TNFSF12: variants seen among roughly 807,000 people sequenced by gnomAD.
TNFSF12 encodes tumor necrosis factor ligand superfamily member 12.
Under a neutral mutation model 31.2 loss-of-function variants are expected in TNFSF12, and 16 were observed. The observed-to-expected ratio is 0.51, with a 90% CI of 0.35 to 0.78. The LOEUF is 0.78. TNFSF12 is among the 30% of genes least tolerant of loss of function. TNFSF12 has a pLI of 0.01. For missense variants in TNFSF12, 324 were observed against 338.8 expected (o/e 0.96, Z 0.34); for synonymous variants, 150 against 151.4 (o/e 0.99, Z 0.07).
chr17:7,557,100 T>C lies in TNFSF12; in HGVS notation c.500T>C (p.Val167Ala). The C allele has an allele frequency of 1.9e-6, 3 of 1,609,700 alleles. No homozygotes were observed. The highest frequency in any genetic ancestry group is 1.1e-5 in the South Asian group (1 of 90,826). ...RAGLYYLYCQ[V>A]HFDEGKAVYL... ...CTCGGCCTGTTGTCCCCACCCCAGG[T>C]GCACTTTGATGAGGGGAAGGCTGTC... The change falls in exon 7 of 7, where the codon GTG becomes GCG. Residue 167 changes from valine to alanine, a missense_variant and splice_region_variant. Val to Ala is a moderately conservative substitution (Grantham distance 64, BLOSUM62 0). Coordinates refer to ENST00000293825, the MANE Select transcript of TNFSF12 (RefSeq NM_003809.3). The surrounding 1 kb of genome is among the most constrained non-coding windows in gnomAD (Gnocchi z 5.2).
chr17:7,557,622 T>G lies in TNFSF12; in HGVS notation c.*272T>G. The G allele has an allele frequency of 8.9e-6, 4 of 448,278 alleles. No homozygotes were observed. Among genetic ancestry groups the G allele is most frequent in the East Asian group, 4.0e-5 (1 of 24,776 alleles). 27.8% of individuals were successfully genotyped at this position (448,278 alleles called of 1,614,324 possible). On this transcript the variant is annotated 3_prime_UTR_variant, in exon 7 of 7. Transcript: ENST00000293825. The surrounding 1 kb of genome is among the most constrained non-coding windows in gnomAD (Gnocchi z 5.2). ...GCCCCCAGTGATCTCGACTCCCCCC[T>G]GGCCACAGACCCCCAGGGCATTGTG...
rs557896974 is a variant in TNFSF12, at chr17:7,550,019, T to A, written c.208-101T>A. ...CTGAGGGGCTTAATCTGTCCCTGACTTCTGTGTCTATTGCTGGCTGGTGGC... is the reference window on the plus strand; with the variant it reads ...CTGAGGGGCTTAATCTGTCCCTGACATCTGTGTCTATTGCTGGCTGGTGGC... On this transcript the variant is annotated intron_variant, in intron 2 of 6. Coordinates refer to ENST00000293825, the MANE Select transcript of TNFSF12 (RefSeq NM_003809.3). The surrounding 1 kb of genome is among the most constrained non-coding windows in gnomAD (Gnocchi z 4.4). 7.7e-4 allele frequency: 1,222 copies of A among 1,586,162 alleles called. 1 individual carries two copies. The highest frequency in any genetic ancestry group is 9.9e-4 in the Non-Finnish European group (1,144 of 1,157,720).
At position 7,549,471 on chromosome 17, in the gene TNFSF12, C is replaced by A; in HGVS notation, c.160-3C>A. 1 of 1,526,428 alleles carries A rather than the reference C, an allele frequency of 6.6e-7. No individual in the cohort carries two copies. The highest frequency in any genetic ancestry group is 8.9e-7 in the Non-Finnish European group (1 of 1,128,642). The allele number at this position is 1,526,428 out of a possible 1,614,324, so 94.6% of individuals were successfully genotyped here. ...CAGGGTGACGCTCCCTCCTTCCCAGCAGGAGCCTGCCCAGGAGGAGCTGGT... is the reference window on the plus strand; with the variant it reads ...CAGGGTGACGCTCCCTCCTTCCCAGAAGGAGCCTGCCCAGGAGGAGCTGGT... On this transcript the variant is annotated splice_region_variant and splice_polypyrimidine_tract_variant and intron_variant, in intron 1 of 6. Transcript: ENST00000293825. The surrounding 1 kb of genome is among the most constrained non-coding windows in gnomAD (Gnocchi z 4.1).
At chr17:7,556,953 T>A (rs1326903046) in intron 6 of TNFSF12, 51 bp downstream of exon 6, 1 of 1,528,582 alleles carries the variant, frequency 6.5e-7, no homozygotes, top group East Asian at 2.3e-5. Context: ...TGGCGAAGGG[T>A]TTGCCAGGAG....
intron 5 of TNFSF12, among the ~76,000 whole-genome samples, chr17:7,554,399 C>T (rs1317195535): frequency 6.0e-5 from 9 of 150,514 alleles, no homozygotes; most frequent in Non-Finnish European, 1.0e-4. Flanking sequence ...CTGCAAGCTC[C>T]GCCTCCTGGG....
At position 7,550,066 on chromosome 17, in the gene TNFSF12, T is replaced by C. The variant is rs1343339903; in HGVS notation, c.208-54T>C. ...TGGCTCTCCTGACAGGCCCCGTATG[T>C]CTCACTTTATATCTCTGGGAGTCTG... On this transcript the variant is annotated intron_variant, in intron 2 of 6. Transcript: ENST00000293825. The surrounding 1 kb of genome is among the most constrained non-coding windows in gnomAD (Gnocchi z 4.4). The C allele has an allele frequency of 1.2e-6, 2 of 1,613,494 alleles. No individual in the cohort carries two copies. Among genetic ancestry groups the C allele is most frequent in the East Asian group, 2.2e-5 (1 of 44,884 alleles).
chr17:7,557,531 T>G lies in TNFSF12; in HGVS notation c.*181T>G. ...CCACATAAATACAGTATTCCCACTC[T>G]TATCTTACAACTCCCCCACCGCCCA... is the stretch of plus-strand genomic sequence containing the variant. On this transcript the variant is annotated 3_prime_UTR_variant, in exon 7 of 7. Transcript: ENST00000293825. The surrounding 1 kb of genome is among the most constrained non-coding windows in gnomAD (Gnocchi z 5.2). 1.2e-6 allele frequency: 1 copy of G among 852,192 alleles called. No homozygotes were observed. The highest frequency in any genetic ancestry group is 1.7e-6 in the Non-Finnish European group (1 of 580,854). 52.8% of individuals were successfully genotyped at this position (852,192 alleles called of 1,614,324 possible).
rs1212250309 is a variant in TNFSF12 at position 7,550,992 on chromosome 17, C to T, written c.373+14C>T. The T allele has an allele frequency of 3.1e-6, 5 of 1,613,380 alleles. No homozygotes were observed. Among genetic ancestry groups the T allele is most frequent in the East Asian group, 4.5e-5 (2 of 44,880 alleles). On this transcript the variant is annotated intron_variant, in intron 5 of 6. Transcript: ENST00000293825. This position sits in a 1 kb window ranked among gnomAD's most constrained non-coding sequence, Gnocchi z 4.4. ...GAGCGCAGGCAGGTGAGACCCCATC[C>T]CCCGACACAGCACTGGCCTCCTGGG...
At chr17:7,554,463 G>A (rs1286399996) in intron 5 of TNFSF12, among the ~76,000 whole-genome samples, 1 of 151,264 alleles carries the variant, frequency 6.6e-6, no homozygotes, top group African/African-American at 2.4e-5. Flanking sequence ...ACAGGCGCCC[G>A]CCACCACGCC....
At position 7,555,973 on chromosome 17, in the gene TNFSF12, G is replaced by GTTTTTTTTTTTT. The variant is rs59248137; in HGVS notation, c.374-797_374-796insTTTTTTTTTTTT. 2.1e-3 allele frequency among the ~76,000 whole-genome samples: 147 copies of GTTTTTTTTTTTT among 70,866 alleles called. 19 individuals carry two copies. Among genetic ancestry groups the GTTTTTTTTTTTT allele is most frequent in the Middle Eastern group, 0.01 (1 of 96 alleles). The allele number at this position is 70,866 out of a possible 152,430, so 46.5% of individuals were successfully genotyped here. ...GTGGAAATAAAAATGCCCAGTGAGC[G>GTTTTTTTTTTTT]TTTTTTTTGTTTTTTTTTTTTTTTG... On this transcript the variant is annotated intron_variant, in intron 5 of 6. Coordinates refer to ENST00000293825, the MANE Select transcript of TNFSF12 (RefSeq NM_003809.3).
At chr17:7,555,748 T>TC (rs1277355673) in intron 5 of TNFSF12, among the ~76,000 whole-genome samples, 1 of 151,836 alleles carries the variant, frequency 6.6e-6, no homozygotes, top group African/African-American at 2.4e-5. Flanking sequence ...GGCTTGAATA[T>TC]CCCCCTGGTG....
At position 7,549,115 on chromosome 17, in the gene TNFSF12, G is replaced by GA; in HGVS notation, c.-38dup. 4 of 1,244,686 alleles carry GA rather than the reference G, an allele frequency of 3.2e-6. No individual in the cohort carries two copies. The highest frequency in any genetic ancestry group is 4.0e-6 in the Non-Finnish European group (4 of 995,186). The allele number at this position is 1,244,686 out of a possible 1,614,324, so 77.1% of individuals were successfully genotyped here. On this transcript the variant is annotated 5_prime_UTR_variant, in exon 1 of 7. In the 5' UTR this introduces an upstream ATG that the reference lacks. Transcript: ENST00000293825. This position sits in a 1 kb window ranked among gnomAD's most constrained non-coding sequence, Gnocchi z 4.1. ...CCTCCCCCGATCCCTCGGGTCCCGG[G>GA]ATGGGGGGGCGGTGAGGCAGGCACA...
Position 7,557,048 on chromosome 17 carries a change from T to C in TNFSF12, c.499-51T>C, listed in dbSNP as rs952731732. On this transcript the variant is annotated intron_variant, in intron 6 of 6. Coordinates refer to ENST00000293825, the MANE Select transcript of TNFSF12 (RefSeq NM_003809.3). The surrounding 1 kb of genome is among the most constrained non-coding windows in gnomAD (Gnocchi z 5.2). Reference sequence around the variant, plus strand: ...CTGCGTCGCTGAGGAAATTGGAAATTGAGGCGAGGGCAGGCAGAGGCCTGG... The same window carrying C: ...CTGCGTCGCTGAGGAAATTGGAAATCGAGGCGAGGGCAGGCAGAGGCCTGG... The C allele has an allele frequency of 3.2e-6, 5 of 1,564,274 alleles. No homozygotes were observed. The highest frequency in any genetic ancestry group is 2.7e-5 in the African/African-American group (2 of 73,880).
Position 7,550,704 on chromosome 17 carries a change from T to C in TNFSF12, c.284-95T>C. On this transcript the variant is annotated intron_variant, in intron 3 of 6. Coordinates refer to ENST00000293825, the MANE Select transcript of TNFSF12 (RefSeq NM_003809.3). The surrounding 1 kb of genome is among the most constrained non-coding windows in gnomAD (Gnocchi z 4.4). ...CCAGGAGTCTGGACAAGAATAAGGA[T>C]GCCAGGGTTCCTGAGAGGGGAATGG... The C allele has an allele frequency of 6.5e-7, 1 of 1,532,546 alleles. No individual in the cohort carries two copies. The highest frequency in any genetic ancestry group is 8.9e-7 in the Non-Finnish European group (1 of 1,128,350). The allele number at this position is 1,532,546 out of a possible 1,614,324, so 94.9% of individuals were successfully genotyped here. A position where few individuals can be genotyped will look rare whatever the true frequency, so the allele number is the denominator to read the frequency against.
intron 5 of TNFSF12, 30 bp from the exon 6 acceptor site, chr17:7,556,748 G>T: frequency 6.7e-7 from 1 of 1,482,808 alleles, no homozygotes; most frequent in African/African-American, 1.4e-5. Flanking sequence ...GTAGAGAGAC[G>T]TTTCCTTATC....
chr17:7,549,590 T>C lies in TNFSF12; in HGVS notation c.207+69T>C. 1 of 1,457,960 alleles carries C rather than the reference T, an allele frequency of 6.9e-7. No homozygotes were observed. The highest frequency in any genetic ancestry group is 2.5e-5 in the East Asian group (1 of 39,492). 90.3% of individuals were successfully genotyped at this position (1,457,960 alleles called of 1,614,324 possible). On this transcript the variant is annotated intron_variant, in intron 2 of 6. Coordinates refer to ENST00000293825, the MANE Select transcript of TNFSF12 (RefSeq NM_003809.3). The surrounding 1 kb of genome is among the most constrained non-coding windows in gnomAD (Gnocchi z 4.1). ...AAGTGTGCACAGCCGAGGCTGCAGG[T>C]GTGTGCAGCTGTGCCAGCCGTACTC...
chr17:7,550,177 G>C lies in TNFSF12; in HGVS notation c.265G>C (p.Val89Leu), dbSNP rs777812856. Residue 89 changes from valine (V) to leucine (L), a missense_variant, in exon 3 of 7, where the codon GTT becomes CTT. Coordinates refer to ENST00000293825, the MANE Select transcript of TNFSF12 (RefSeq NM_003809.3). This position sits in a 1 kb window ranked among gnomAD's most constrained non-coding sequence, Gnocchi z 4.4. ...TCCTGCGCCTTTCCTGAACCGACTAGTTCGGCCTCGCAGAAGTGGTGAGCA... is the reference window on the plus strand; with the variant it reads ...TCCTGCGCCTTTCCTGAACCGACTACTTCGGCCTCGCAGAAGTGGTGAGCA... Reference protein sequence around the residue: ...QDPAPFLNRLVRPRRSAPKGR... With the variant: ...QDPAPFLNRLLRPRRSAPKGR... 1 of 1,614,112 alleles carries C rather than the reference G, an allele frequency of 6.2e-7. No individual in the cohort carries two copies. The highest frequency in any genetic ancestry group is 2.2e-5 in the East Asian group (1 of 44,888).
chr17:7,549,354 C>T lies in TNFSF12; in HGVS notation c.159+42C>T. 6 of 1,417,206 alleles carry T rather than the reference C, an allele frequency of 4.2e-6. No individual in the cohort carries two copies. Among genetic ancestry groups the T allele is most frequent in the Non-Finnish European group, 4.6e-6 (5 of 1,075,804 alleles). 87.8% of individuals were successfully genotyped at this position (1,417,206 alleles called of 1,614,324 possible). On this transcript the variant is annotated intron_variant, in intron 1 of 6. Coordinates refer to ENST00000293825, the MANE Select transcript of TNFSF12 (RefSeq NM_003809.3). The surrounding 1 kb of genome is among the most constrained non-coding windows in gnomAD (Gnocchi z 4.1). ...CACCCCTTCTTGGGCACATCAGGAG[C>T]TGAGACTGCAGAGGGGCCGCTGGGG...
Position 7,550,343 on chromosome 17 carries a change from T to A in TNFSF12, c.283+148T>A. On this transcript the variant is annotated intron_variant, in intron 3 of 6. Coordinates refer to ENST00000293825, the MANE Select transcript of TNFSF12 (RefSeq NM_003809.3). This position sits in a 1 kb window ranked among gnomAD's most constrained non-coding sequence, Gnocchi z 4.4. ...AAACCTAGGGATTCTCGCCCTCCTC[T>A]GAAGCTCCTTCTGTCATATGGATGT... 1 of 1,237,924 alleles carries A rather than the reference T, an allele frequency of 8.1e-7. No homozygotes were observed. Among genetic ancestry groups the A allele is most frequent in the Non-Finnish European group, 1.1e-6 (1 of 885,260 alleles). 76.7% of individuals were successfully genotyped at this position (1,237,924 alleles called of 1,614,324 possible).
Sources: allele counts gnomAD v4.1 joint callset (sites outside exome capture counted in the v4.1 genomes callset), GRCh38; gene constraint gnomAD v4.1.1; non-coding constraint Gnocchi (gnomAD v3.1); transcripts MANE v1.5; gene names NCBI Gene and HGNC (gene_info 2026-07-23, HGNC 2026-07-21).